ZMYND12: variants seen among roughly 807,000 people sequenced by gnomAD.
The protein encoded by ZMYND12 is zinc finger MYND-type containing 12, also known as zinc finger MYND domain-containing protein 12.
A neutral mutation model predicts 41.7 loss-of-function variants in ZMYND12; 32 were observed. That is an observed-to-expected ratio of 0.77 (90% CI 0.58 to 1.03). The LOEUF is 1.03. Among genes scored for constraint, ZMYND12 ranks in the 50% least tolerant of loss-of-function variants. The probability of loss-of-function intolerance (pLI) is 0.00; values close to 1 mark genes in which losing one functional copy is unlikely to be tolerated. For synonymous variants in ZMYND12, 148 were observed against 164.8 expected (o/e 0.90, Z 0.78); for missense variants, 424 against 438.5 (o/e 0.97, Z 0.30).
Position 42,436,561 on chromosome 1 carries a change from A to C in ZMYND12, c.595-18T>G, listed in dbSNP as rs754301568. 2.5e-6 allele frequency: 4 copies of C among 1,611,768 alleles called. No homozygotes were observed. The South Asian group carries it at 3.3e-5, about 13-fold the overall frequency. ...AAATAAATCTATAGCAGAAGGAAGA[A>C]GGAGAGTGCTTGAGTTCCTTTTGCA... On this transcript the variant is annotated intron_variant, in intron 4 of 7. Transcript: ENST00000372565.
chr1:42,432,675 A>G (rs1642865693), intron 7 of ZMYND12, among the ~76,000 whole-genome samples: 1 of 152,218 alleles, frequency 6.6e-6, no homozygotes, highest in African/African-American at 2.4e-5. Context: ...TAGCTACCTC[A>G]TTAATGTTGG....
At position 42,436,424 on chromosome 1, in the gene ZMYND12, G is replaced by T; in HGVS notation, c.714C>A (p.Thr238=). The change falls in exon 5 of 8, where the codon ACC becomes ACA. Residue 238 remains threonine (T), a synonymous_variant. Coordinates refer to ENST00000372565, the MANE Select transcript of ZMYND12 (RefSeq NM_032257.5). The part of the protein sequence containing the change: ...KKLDLADTLY[T]KVSEIWHAYL... ...GCTCCCACATTCCCCAGCTCACCTT[G>T]GTGTACAATGTGTCTGCCAGGTCCA... The T allele has an allele frequency of 6.2e-7, 1 of 1,613,062 alleles. No homozygotes were observed. Among genetic ancestry groups the T allele is most frequent in the South Asian group, 1.1e-5 (1 of 91,040 alleles).
chr1:42,448,123 C>G (rs1643042228), intron 3 of ZMYND12, among the ~76,000 whole-genome samples: 1 of 151,998 alleles, frequency 6.6e-6, no homozygotes, highest in Admixed American at 6.6e-5. Context: ...AATAGCAAAG[C>G]AGATAGATAC....
intron 1 of ZMYND12, among the ~76,000 whole-genome samples, chr1:42,454,485 TTCTTGA>T (rs1421398272): frequency 6.6e-6 from 1 of 152,210 alleles, no homozygotes; most frequent in Non-Finnish European, 1.5e-5. Context: ...CTGCAACAGC[TTCTTGA>T]TCTGTTATGC....
At chr1:42,439,400 G>T (rs141251283) in intron 4 of ZMYND12, among the ~76,000 whole-genome samples, 2 of 152,052 alleles carry the variant, frequency 1.3e-5, no homozygotes, top group Non-Finnish European at 2.9e-5. Flanking sequence ...CGAGTATCTC[G>T]GACTACAGGC....
In ZMYND12 at chr1:42,455,858, A is replaced by G. The variant is rs768152310; in HGVS notation, c.110+30T>C. ...GAAAGGGAGAGAGGGAGGGAGTTAT[A>G]GCGCCCAGGTGCCACGTTTCAGGGC... is the stretch of plus-strand genomic sequence containing the variant. On this transcript the variant is annotated intron_variant, in intron 1 of 7. Coordinates refer to ENST00000372565, the MANE Select transcript of ZMYND12 (RefSeq NM_032257.5). 1.3e-5 allele frequency: 20 copies of G among 1,544,550 alleles called. No individual in the cohort carries two copies. The African/African-American group carries it at 2.6e-4, about 20-fold the overall frequency.
chr1:42,439,999 C>A lies in ZMYND12; in HGVS notation c.451G>T (p.Glu151Ter). ...GTCCACTGGGCTTGGAATAGATATT[C>A]TTCAGCCTGAACGATTCGGCCCAGA... The part of the protein sequence containing the change: ...LGLGRIVQAE[E>*]YLFQAQWTVL... Residue 151 changes from glutamate (E) to a stop codon, truncating the protein, a stop_gained, in exon 4 of 8, where the codon GAA becomes TAA. Coordinates refer to ENST00000372565, the MANE Select transcript of ZMYND12 (RefSeq NM_032257.5). LOFTEE classifies it high-confidence loss of function. 3 of 1,612,324 alleles carry A rather than the reference C, an allele frequency of 1.9e-6. No homozygotes were observed. Among genetic ancestry groups the A allele is most frequent in the Non-Finnish European group, 2.5e-6 (3 of 1,179,488 alleles).
chr1:42,449,945 A>G lies in ZMYND12; in HGVS notation c.225T>C (p.His75=). The part of the protein sequence containing the change: ...PFYNSEEERQ[H]GLQQLQQRQK... ...GCCGCTGCTGCAGCTGCTGCAGGCC[A>G]TGCTGCCGTTCTTCCTCTGAATTGT... The change falls in exon 2 of 8, where the codon CAT becomes CAC. Residue 75 remains histidine, a synonymous_variant. Coordinates refer to ENST00000372565, the MANE Select transcript of ZMYND12 (RefSeq NM_032257.5). 1.9e-6 allele frequency: 3 copies of G among 1,613,012 alleles called. No homozygotes were observed. The highest frequency in any genetic ancestry group is 2.5e-6 in the Non-Finnish European group (3 of 1,180,012).
intron 6 of ZMYND12, among the ~76,000 whole-genome samples, chr1:42,433,921 T>G (rs1010379272): frequency 6.7e-6 from 1 of 149,240 alleles, no homozygotes; most frequent in African/African-American, 2.4e-5. Context: ...TACACCATCA[T>G]GTTAAGGTTG....
intron 3 of ZMYND12, among the ~76,000 whole-genome samples, chr1:42,444,653 G>A (rs1643003431): frequency 6.6e-6 from 1 of 152,146 alleles, no homozygotes; most frequent in African/African-American, 2.4e-5. Flanking sequence ...GTACTGGGCT[G>A]AGTGTGAAGA....
intron 1 of ZMYND12, among the ~76,000 whole-genome samples, chr1:42,452,931 C>G (rs1643097964): frequency 6.6e-6 from 1 of 151,908 alleles, no homozygotes; most frequent in Non-Finnish European, 1.5e-5. Context: ...TTTATATTTT[C>G]AGGTTTTCTG....
intron 3 of ZMYND12, among the ~76,000 whole-genome samples, chr1:42,441,131 T>C (rs1007386065): frequency 3.3e-5 from 5 of 152,126 alleles, no homozygotes; most frequent in African/African-American, 1.2e-4. Flanking sequence ...ATAGTATAAT[T>C]GCAATAGCAA....
At position 42,432,864 on chromosome 1, in the gene ZMYND12, C is replaced by G. The variant is rs1642868512; in HGVS notation, c.975+279G>C. On this transcript the variant is annotated intron_variant, in intron 7 of 7. Coordinates refer to ENST00000372565, the MANE Select transcript of ZMYND12 (RefSeq NM_032257.5). The stretch of plus-strand genomic sequence containing the variant: ...GAGCGGCTACTTCATCCATCCAAGG[C>G]TCCCCAGAGCCTTCCTGCCCTGCAG... 8.6e-6 allele frequency: 3 copies of G among 349,174 alleles called. No homozygotes were observed. The East Asian group carries it at 1.9e-4, about 22-fold the overall frequency. The allele number at this position is 349,174 out of a possible 1,614,324, so 21.6% of individuals were successfully genotyped here.
At chr1:42,432,932 T>A in intron 7 of ZMYND12, 1 of 560,998 alleles carries the variant, frequency 1.8e-6, no homozygotes, top group Non-Finnish European at 3.0e-6. Flanking sequence ...TATGCAAGAC[T>A]GGGAACCCTC....
intron 3 of ZMYND12, among the ~76,000 whole-genome samples, chr1:42,442,858 T>C (rs1350543410): frequency 1.3e-5 from 2 of 152,120 alleles, no homozygotes; most frequent in Non-Finnish European, 2.9e-5. Context: ...CAAACTAAAA[T>C]GGGAAACTAC....
At chr1:42,439,317 G>T (rs1051036801) in intron 4 of ZMYND12, among the ~76,000 whole-genome samples, 5 of 150,916 alleles carry the variant, frequency 3.3e-5, no homozygotes, top group African/African-American at 1.2e-4. Flanking sequence ...CCAGGCTGGA[G>T]TGCAGTGGCG....
At chr1:42,445,779 G>A (rs1049310985) in intron 3 of ZMYND12, among the ~76,000 whole-genome samples, 4 of 152,090 alleles carry the variant, frequency 2.6e-5, no homozygotes, top group African/African-American at 9.7e-5. Flanking sequence ...TTATTTAGAG[G>A]AGTGATGGGT....
chr1:42,432,060 CTTT>C (rs111394001), intron 7 of ZMYND12, among the ~76,000 whole-genome samples: 2 of 132,964 alleles, frequency 1.5e-5, no homozygotes, highest in Non-Finnish European at 1.6e-5. Flanking sequence ...TTTTCTTTTT[CTTT>C]TTTTTTTTTT....
At chr1:42,444,622 T>C (rs1401791207) in intron 3 of ZMYND12, among the ~76,000 whole-genome samples, 2 of 152,134 alleles carry the variant, frequency 1.3e-5, no homozygotes, top group Admixed American at 6.5e-5. Context: ...AATTATCTTT[T>C]TAGTACCTTC....
Sources: allele counts gnomAD v4.1 joint callset (sites outside exome capture counted in the v4.1 genomes callset), GRCh38; gene constraint gnomAD v4.1.1; transcripts MANE v1.5; gene names NCBI Gene and HGNC (gene_info 2026-07-23, HGNC 2026-07-21).